MAF: variants seen among roughly 807,000 people sequenced by gnomAD.
MAF encodes the protein MAF bZIP transcription factor, also known as transcription factor Maf.
Under a neutral mutation model 22.0 loss-of-function variants are expected in MAF, and 10 were observed. The ratio of observed to expected loss-of-function variants is 0.45; its 90% CI spans 0.28 to 0.77. The LOEUF (loss-of-function observed/expected upper bound fraction) is 0.77, where lower values mean the gene tolerates loss of function less well. Among genes scored for constraint, MAF ranks in the 30% least tolerant of loss-of-function variants. The pLI is 0.12. For synonymous variants in MAF, 337 were observed against 255.8 expected (o/e 1.32, Z -3.03); for missense variants, 544 against 548.4 (o/e 0.99, Z 0.08).
chr16:79,353,902 C>A, the MAF span, among the ~76,000 whole-genome samples: 3 of 152,110 alleles, frequency 2.0e-5, no homozygotes, highest in African/African-American at 7.2e-5. Flanking sequence ...ACCCACAAAC[C>A]TTTCTGGGGA....
At chr16:79,410,435 T>C in the MAF span, among the ~76,000 whole-genome samples, 2 of 152,258 alleles carry the variant, frequency 1.3e-5, no homozygotes, top group African/African-American at 4.8e-5. Flanking sequence ...CAAATTTCTA[T>C]GAGTAAATCA....
the MAF span, among the ~76,000 whole-genome samples, chr16:79,373,643 G>T: frequency 6.6e-6 from 1 of 151,986 alleles, no homozygotes; most frequent in South Asian, 2.1e-4. Context: ...CTCCCAAAGT[G>T]CTGGGATTAC....
chr16:79,389,725 C>T, the MAF span, among the ~76,000 whole-genome samples: 1 of 151,842 alleles, frequency 6.6e-6, no homozygotes, highest in African/African-American at 2.4e-5. Context: ...GCCTGTAATC[C>T]CAGCACTTTG....
chr16:79,445,007 A>G, the MAF span, among the ~76,000 whole-genome samples: 3 of 152,116 alleles, frequency 2.0e-5, no homozygotes, highest in Admixed American at 2.0e-4. Context: ...TAAAAAATAC[A>G]TTGAAACACA....
the MAF span, among the ~76,000 whole-genome samples, chr16:79,384,061 AG>A: frequency 6.6e-6 from 1 of 152,188 alleles, no homozygotes; most frequent in Non-Finnish European, 1.5e-5. Context: ...ATCAAGGCTG[AG>A]GGGGCTCCTC....
At chr16:79,336,123 T>G in the MAF span, among the ~76,000 whole-genome samples, 1 of 152,222 alleles carries the variant, frequency 6.6e-6, no homozygotes, top group African/African-American at 2.4e-5. Flanking sequence ...TCCAAGGTCA[T>G]GAGCAGTGTA....
chr16:79,294,050 G>T, the MAF span, among the ~76,000 whole-genome samples: 1 of 152,170 alleles, frequency 6.6e-6, no homozygotes, highest in Non-Finnish European at 1.5e-5. Flanking sequence ...GGCCCCCAGG[G>T]TAATTAAGAT....
chr16:79,441,639 T>G, the MAF span, among the ~76,000 whole-genome samples: 1 of 152,248 alleles, frequency 6.6e-6, no homozygotes, highest in Non-Finnish European at 1.5e-5. Context: ...AAACTGACAG[T>G]CATTCTAAAA....
chr16:79,540,502 C>G, the MAF span, among the ~76,000 whole-genome samples: 5 of 152,154 alleles, frequency 3.3e-5, no homozygotes, highest in African/African-American at 1.2e-4. Context: ...ACGAAGCCAG[C>G]TGGAGGACTG....
At chr16:79,456,891 G>A in the MAF span, among the ~76,000 whole-genome samples, 2 of 151,934 alleles carry the variant, frequency 1.3e-5, no homozygotes, top group East Asian at 1.9e-4. Flanking sequence ...TAGCATAGAA[G>A]CATTAAATAC....
At chr16:79,207,915 T>A in the MAF span, among the ~76,000 whole-genome samples, 1 of 152,236 alleles carries the variant, frequency 6.6e-6, no homozygotes, top group Admixed American at 6.5e-5. Context: ...CAAATGAATG[T>A]TGATGAAAAG....
At position 79,594,385 on chromosome 16, in the gene MAF, G is replaced by A. The variant is rs1913375842; in HGVS notation, c.*75C>T. The A allele has an allele frequency of 4.7e-6, 6 of 1,281,010 alleles. No homozygotes were observed. Among genetic ancestry groups the A allele is most frequent in the South Asian group, 1.3e-5 (1 of 78,244 alleles). The allele number at this position is 1,281,010 out of a possible 1,614,324, so 79.4% of individuals were successfully genotyped here. The stretch of plus-strand genomic sequence containing the variant: ...AAAAGGAGACTAAACAGAAGTCAGG[G>A]GTAGGTGGTTCTCCATGACTGCAAA... On this transcript the variant is annotated 3_prime_UTR_variant, in exon 2 of 2. Coordinates refer to ENST00000326043, the MANE Select transcript of MAF (RefSeq NM_005360.5).
At chr16:79,493,699 G>C in the MAF span, among the ~76,000 whole-genome samples, 2 of 152,174 alleles carry the variant, frequency 1.3e-5, no homozygotes, top group Non-Finnish European at 2.9e-5. Flanking sequence ...TTGATAAAAG[G>C]GTGGAGCTAA....
the MAF span, among the ~76,000 whole-genome samples, chr16:79,309,763 A>G: frequency 6.6e-6 from 1 of 152,198 alleles, no homozygotes; most frequent in Non-Finnish European, 1.5e-5. Context: ...CCAGCCAGGC[A>G]TGTGATGCAG....
the MAF span, among the ~76,000 whole-genome samples, chr16:79,355,328 G>C: frequency 6.6e-6 from 1 of 152,204 alleles, no homozygotes; most frequent in Non-Finnish European, 1.5e-5. Context: ...AGGAACCCCA[G>C]GTCAGATGTA....
the MAF span, among the ~76,000 whole-genome samples, chr16:79,433,562 AAGAACT>A: frequency 6.6e-6 from 1 of 152,006 alleles, no homozygotes; most frequent in African/African-American, 2.4e-5. Context: ...TAATGGACAG[AAGAACT>A]AGATGTAAGT....
chr16:79,341,641 T>C, the MAF span, among the ~76,000 whole-genome samples: 2 of 152,210 alleles, frequency 1.3e-5, no homozygotes, highest in African/African-American at 4.8e-5. Context: ...AGGTTGGCTA[T>C]TGAAGACTTT....
the MAF span, among the ~76,000 whole-genome samples, chr16:79,518,654 G>A: frequency 6.6e-6 from 1 of 152,204 alleles, no homozygotes; most frequent in Non-Finnish European, 1.5e-5. Flanking sequence ...GTTATCGTGA[G>A]GATAAAGTTA....
the MAF span, among the ~76,000 whole-genome samples, chr16:79,444,946 C>T: frequency 6.6e-6 from 1 of 152,030 alleles, no homozygotes; most frequent in African/African-American, 2.4e-5. Flanking sequence ...AAGCCTGCTA[C>T]GTGTATGTGA....
Sources: gnomAD v4.1 joint callset for allele counts (sites outside exome capture counted in the v4.1 genomes callset) on GRCh38, gnomAD v4.1.1 for gene constraint, MANE v1.5 for transcripts, NCBI Gene and HGNC (gene_info 2026-07-23, HGNC 2026-07-21) for gene names.